RNF19A: variants seen among roughly 807,000 people sequenced by gnomAD.
RNF19A encodes the protein E3 ubiquitin-protein ligase RNF19A.
In RNF19A, 32 loss-of-function variants were observed where a neutral mutation model predicts 75.7. The ratio of observed to expected loss-of-function variants is 0.42; its 90% CI spans 0.32 to 0.57. RNF19A has a LOEUF of 0.57. Among genes scored for constraint, RNF19A ranks in the 20% least tolerant of loss-of-function variants. The probability of loss-of-function intolerance (pLI) is 0.10; values close to 1 mark genes in which losing one functional copy is unlikely to be tolerated. For synonymous variants in RNF19A, 335 were observed against 345.2 expected (o/e 0.97, Z 0.33); for missense variants, 782 against 1,036.3 (o/e 0.75, Z 3.37).
chr8:100,314,087 G>A (rs754456225), upstream of RNF19A, among the ~76,000 whole-genome samples: 6 of 151,744 alleles, frequency 4.0e-5, no homozygotes, highest in Non-Finnish European at 5.9e-5. This position sits in a 1 kb window ranked among gnomAD's most constrained non-coding sequence, Gnocchi z 4.1. Context: ...TTGCCATGTC[G>A]CTCAGGTGGG....
chr8:100,289,157 A>G (rs1389276903), intron 1 of RNF19A, among the ~76,000 whole-genome samples: 1 of 152,198 alleles, frequency 6.6e-6, no homozygotes, highest in Non-Finnish European at 1.5e-5. Flanking sequence ...CTTTAAAAAA[A>G]GAAAAATACT....
chr8:100,329,393 A>C lies in RNF19A; in HGVS notation c.-243+6715T>G, dbSNP rs1287664588. Among the ~76,000 whole-genome samples the C allele has an allele frequency of 6.6e-6, 1 of 152,220 alleles. No individual in the cohort carries two copies. The highest frequency in any genetic ancestry group is 2.4e-5 in the African/African-American group (1 of 41,462). On this transcript the variant is annotated intron_variant, in intron 1 of 3. Coordinates refer to the RNF19A transcript ENST00000519527. This position sits in a 1 kb window ranked among gnomAD's most constrained non-coding sequence, Gnocchi z 4.3. ...AAAGACTTGGGATTTTAATGTTCAC[A>C]AGCTCAAAATGAGTGAGTTGTGATA...
At chr8:100,326,188 A>G (rs1254807950) in intron 1 of RNF19A, among the ~76,000 whole-genome samples, 1 of 151,998 alleles carries the variant, frequency 6.6e-6, no homozygotes, top group Non-Finnish European at 1.5e-5. Flanking sequence ...CCCTGTTTCT[A>G]TTCCACTCTG....
intron 2 of RNF19A, among the ~76,000 whole-genome samples, chr8:100,278,608 A>T (rs960936894): frequency 1.3e-5 from 2 of 152,196 alleles, no homozygotes; most frequent in African/African-American, 4.8e-5. Flanking sequence ...GGAAGAATAT[A>T]TCGTTTCTAA....
In RNF19A at chr8:100,259,840, A is replaced by T; in HGVS notation, c.1826+14T>A. The T allele has an allele frequency of 6.3e-7, 1 of 1,595,688 alleles. No individual in the cohort carries two copies. The highest frequency in any genetic ancestry group is 8.5e-7 in the Non-Finnish European group (1 of 1,171,282). ...TAAAAAATACTTTCAATTTTTTAACAGTTTTTTCCTTACTTGTCCAATGGG... is the reference window on the plus strand; with the variant it reads ...TAAAAAATACTTTCAATTTTTTAACTGTTTTTTCCTTACTTGTCCAATGGG... On this transcript the variant is annotated intron_variant, in intron 9 of 9. Transcript: ENST00000341084. The surrounding 1 kb of genome is among the most constrained non-coding windows in gnomAD (Gnocchi z 4.5).
chr8:100,322,977 T>C lies in RNF19A; in HGVS notation c.-242-9605A>G, dbSNP rs528205236. Reference sequence around the variant, plus strand: ...ACAGATATAATAATAACTTAAAAGTTTGAAATATTGTGAGAACTACCAAAA... The same window carrying C: ...ACAGATATAATAATAACTTAAAAGTCTGAAATATTGTGAGAACTACCAAAA... On this transcript the variant is annotated intron_variant, in intron 1 of 3. Coordinates refer to the RNF19A transcript ENST00000519527. The surrounding 1 kb of genome is among the most constrained non-coding windows in gnomAD (Gnocchi z 5.1). Among the ~76,000 whole-genome samples the C allele has an allele frequency of 2.6e-5, 4 of 152,212 alleles. No individual in the cohort carries two copies. In the East Asian group the frequency reaches 7.7e-4, roughly 29 times the overall value.
rs747296127 is a variant in RNF19A, at chr8:100,268,839, A to T, written c.1137T>A (p.Ala379=). The T allele has an allele frequency of 2.2e-5, 35 of 1,600,356 alleles. No individual in the cohort carries two copies. Among genetic ancestry groups the T allele is most frequent in the Non-Finnish European group, 2.9e-5 (34 of 1,171,876 alleles). ...VGAPVGIALI[A]GIAIPAMIIG... is the part of the protein sequence containing the mutation. ...TAATCATTGCAGGAATAGCAATGCC[A>T]GCTATTAAAGCGATTCCGACAGGAG... Residue 379 remains alanine (A), a synonymous_variant, in exon 5 of 10, where the codon GCT becomes GCA. Coordinates refer to ENST00000341084, the MANE Select transcript of RNF19A (RefSeq NM_183419.4).
At chr8:100,283,381 AT>A (rs1353648411) in intron 2 of RNF19A, among the ~76,000 whole-genome samples, 7 of 152,136 alleles carry the variant, frequency 4.6e-5, no homozygotes, top group Admixed American at 4.6e-4. Flanking sequence ...CCCTCCCCCA[AT>A]TTTTCTCCCT....
At chr8:100,270,174 C>T (rs570328337) in intron 3 of RNF19A, among the ~76,000 whole-genome samples, 161 bp from the exon 4 acceptor site, 2 of 152,126 alleles carry the variant, frequency 1.3e-5, no homozygotes, top group African/African-American at 4.8e-5. Flanking sequence ...TTTTTCTTCC[C>T]TTCTAAGAAA....
rs1820124704 is a variant in RNF19A, at chr8:100,268,939, C to A, written c.1037G>T (p.Gly346Val). ...ISDLHYLSPSGCTFWGKKPWS... is the reference protein window; with the variant it reads ...ISDLHYLSPSVCTFWGKKPWS... Reference sequence around the variant, plus strand: ...GGGTTTCTTCCCCCAAAAAGTACATCCTGATGGACTAACGGAAAAAATTAT... The same window carrying A: ...GGGTTTCTTCCCCCAAAAAGTACATACTGATGGACTAACGGAAAAAATTAT... Residue 346 changes from glycine to valine, a missense_variant, in exon 5 of 10, where the codon GGA becomes GTA. Coordinates refer to ENST00000341084, the MANE Select transcript of RNF19A (RefSeq NM_183419.4). The A allele has an allele frequency of 6.3e-7, 1 of 1,575,888 alleles. No individual in the cohort carries two copies. The highest frequency in any genetic ancestry group is 1.4e-5 in the African/African-American group (1 of 73,180).
chr8:100,276,531 C>G (rs1820522339), intron 2 of RNF19A, among the ~76,000 whole-genome samples: 1 of 151,760 alleles, frequency 6.6e-6, no homozygotes, highest in Non-Finnish European at 1.5e-5. Context: ...GTGGGCAGAT[C>G]ACTTGAGGTC....
intron 3 of RNF19A, 75 bp from the exon 4 acceptor site, chr8:100,270,088 T>C (rs1330623975): frequency 2.4e-6 from 3 of 1,240,198 alleles, no homozygotes; most frequent in Non-Finnish European, 2.1e-6. Context: ...TTACCAATTG[T>C]AGCACTGTCA....
At position 100,264,203 on chromosome 8, in the gene RNF19A, GAAATT is replaced by G. The variant is rs1563833780; in HGVS notation, c.1307-13_1307-9del. 6.3e-7 allele frequency: 1 copy of G among 1,596,136 alleles called. No homozygotes were observed. Among genetic ancestry groups the G allele is most frequent in the Non-Finnish European group, 8.5e-7 (1 of 1,170,306 alleles). On this transcript the variant is annotated splice_polypyrimidine_tract_variant and intron_variant, in intron 6 of 9. Coordinates refer to ENST00000341084, the MANE Select transcript of RNF19A (RefSeq NM_183419.4). The surrounding 1 kb of genome is among the most constrained non-coding windows in gnomAD (Gnocchi z 4.7). ...TAATAGGAACACCGATACCTAAAGAGAAATTAAATCAGTCATTACAAACAACAACA... is the reference window on the plus strand; with the variant it reads ...TAATAGGAACACCGATACCTAAAGAGAAATCAGTCATTACAAACAACAACA...
intron 2 of RNF19A, among the ~76,000 whole-genome samples, chr8:100,282,901 T>C (rs948503255): frequency 6.6e-6 from 1 of 152,166 alleles, no homozygotes; most frequent in Non-Finnish European, 1.5e-5. Flanking sequence ...TTGAAAACCA[T>C]TTAAATGTCA....
At position 100,258,674 on chromosome 8, in the gene RNF19A, C is replaced by G; in HGVS notation, c.2399G>C (p.Gly800Ala). The G allele has an allele frequency of 6.2e-7, 1 of 1,614,068 alleles. No homozygotes were observed. The highest frequency in any genetic ancestry group is 8.5e-7 in the Non-Finnish European group (1 of 1,179,970). Reference sequence around the variant, plus strand: ...AACATTAGGTTTTATTCCATTGTTACCATGTTCTTCAGCAATATGATTCAA... The same window carrying G: ...AACATTAGGTTTTATTCCATTGTTAGCATGTTCTTCAGCAATATGATTCAA... ...SQLNHIAEEH[G>A]NNGIKPNVDL... The change falls in exon 10 of 10, where the codon GGT (glycine) becomes GCT (alanine). Residue 800 changes from glycine to alanine, a missense_variant. By Grantham distance (60) the Gly-to-Ala change is moderately conservative. Around this residue, in one of 7 missense-constraint regions of RNF19A, gnomAD observed 442 missense variants for 541.6 expected, o/e 0.82. Coordinates refer to ENST00000341084, the MANE Select transcript of RNF19A (RefSeq NM_183419.4). This position sits in a 1 kb window ranked among gnomAD's most constrained non-coding sequence, Gnocchi z 4.3.
chr8:100,298,967 G>T (rs1821699101), intron 1 of RNF19A, among the ~76,000 whole-genome samples: 1 of 152,122 alleles, frequency 6.6e-6, no homozygotes, highest in Admixed American at 6.5e-5. Context: ...TTTTTAAATA[G>T]GTTTAAAAAA....
chr8:100,267,533 A>C (rs1372949364), intron 5 of RNF19A, among the ~76,000 whole-genome samples: 1 of 151,820 alleles, frequency 6.6e-6, no homozygotes, highest in Non-Finnish European at 1.5e-5. Flanking sequence ...CCATACCCAG[A>C]TAATTTTTAA....
Position 100,329,878 on chromosome 8 carries a change from T to G in RNF19A, c.-243+6230A>C, listed in dbSNP as rs1822587407. Among the ~76,000 whole-genome samples, 1 of 152,234 alleles carries G rather than the reference T, an allele frequency of 6.6e-6. No individual in the cohort carries two copies. Among genetic ancestry groups the G allele is most frequent in the Non-Finnish European group, 1.5e-5 (1 of 68,040 alleles). On this transcript the variant is annotated intron_variant, in intron 1 of 3. Coordinates refer to the RNF19A transcript ENST00000519527. This position sits in a 1 kb window ranked among gnomAD's most constrained non-coding sequence, Gnocchi z 4.3. ...AGACCCACATGACAATAAAATTAAATATTTTCTCATGTATCCCATACATTT... is the reference window on the plus strand; with the variant it reads ...AGACCCACATGACAATAAAATTAAAGATTTTCTCATGTATCCCATACATTT...
chr8:100,335,814 G>A (rs2130435388), intron 1 of RNF19A, among the ~76,000 whole-genome samples: 1 of 152,340 alleles, frequency 6.6e-6, no homozygotes. Context: ...CACAGTCCCT[G>A]CGGAGGTGCG....
Sources: allele counts gnomAD v4.1 joint callset (sites outside exome capture counted in the v4.1 genomes callset), GRCh38; gene constraint gnomAD v4.1.1; regional missense constraint gnomAD v4.1.1; non-coding constraint Gnocchi (gnomAD v3.1); transcripts MANE v1.5; gene names NCBI Gene and HGNC (gene_info 2026-07-23, HGNC 2026-07-21).